SGSM2: variants seen among roughly 807,000 people sequenced by gnomAD.
SGSM2 encodes small G protein signaling modulator 2, also known as RUN and TBC1 domain containing 1.
A neutral mutation model predicts 126.6 loss-of-function variants in SGSM2; 89 were observed. The ratio of observed to expected loss-of-function variants is 0.70; its 90% CI spans 0.59 to 0.84. The LOEUF (loss-of-function observed/expected upper bound fraction) is 0.84, where lower values mean the gene tolerates loss of function less well. Among genes scored for constraint, SGSM2 ranks in the 40% least tolerant of loss-of-function variants. The pLI is 0.00. For synonymous variants in SGSM2, 614 were observed against 574.3 expected (o/e 1.07, Z -0.99); for missense variants, 1,404 against 1,416.6 (o/e 0.99, Z 0.14).
chr17:2,346,815 A>G (rs2064615419), intron 2 of SGSM2, among the ~76,000 whole-genome samples: 1 of 152,142 alleles, frequency 6.6e-6, no homozygotes. Flanking sequence ...GGGGCCAGGC[A>G]TGGTGACTCA....
Position 2,338,125 on chromosome 17 carries a change from C to A in SGSM2, c.57+380C>A, listed in dbSNP as rs186861574. 3.5e-3 allele frequency among the ~76,000 whole-genome samples: 539 copies of A among 152,200 alleles called. 2 individuals carry two copies. Among genetic ancestry groups the A allele is most frequent in the Non-Finnish European group, 6.4e-3 (436 of 67,976 alleles). On this transcript the variant is annotated intron_variant, in intron 1 of 23. Transcript: ENST00000268989. ...CGGGGCCCCGCGCGAGCTCCCGCGG[C>A]GCAGGTGGGTGTCGTGCGGGCCGAG...
chr17:2,361,581 T>G (rs1009015748), intron 2 of SGSM2, 56 bp from the exon 3 acceptor site: 50 of 1,583,806 alleles, frequency 3.2e-5, no homozygotes, highest in Non-Finnish European at 4.3e-5. Flanking sequence ...GAGGAGCTTT[T>G]CTTCCTGCTC....
chr17:2,375,952 TG>T, intron 18 of SGSM2, 77 bp downstream of exon 18: 4 of 1,511,306 alleles, frequency 2.6e-6, no homozygotes, highest in Non-Finnish European at 3.5e-6. Flanking sequence ...GAAGCGCTGG[TG>T]GGGTGGAAGG....
At chr17:2,348,015 G>A (rs547878443) in intron 2 of SGSM2, among the ~76,000 whole-genome samples, 4 of 152,310 alleles carry the variant, frequency 2.6e-5, no homozygotes, top group South Asian at 2.1e-4. Flanking sequence ...CAACATGAGG[G>A]TTGCTTCAGA....
chr17:2,375,714 G>A lies in SGSM2; in HGVS notation c.2323G>A (p.Gly775Ser), dbSNP rs1282939605. The A allele has an allele frequency of 3.1e-6, 5 of 1,611,382 alleles. No individual in the cohort carries two copies. Among genetic ancestry groups the A allele is most frequent in the Middle Eastern group, 3.4e-4 (2 of 5,960 alleles). ...AAGCCTAGATGAGGGGCAGAGCGTG[G>A]GCTTCGAAGAGGAGGACGGCGGTGG... is the stretch of plus-strand genomic sequence containing the variant. ...QSSLDEGQSV[G>S]FEEEDGGGEE... The change falls in exon 18 of 24, where the codon GGC becomes AGC. Residue 775 changes from glycine to serine, a missense_variant. Physicochemically the swap from Gly to Ser is moderately conservative, Grantham distance 56. Coordinates refer to ENST00000268989, the MANE Select transcript of SGSM2 (RefSeq NM_014853.3).
In SGSM2 at chr17:2,380,422, GC is replaced by G; in HGVS notation, c.*905del. 1.0e-6 allele frequency: 1 copy of G among 969,542 alleles called. No individual in the cohort carries two copies. The highest frequency in any genetic ancestry group is 1.6e-6 in the Non-Finnish European group (1 of 636,170). The allele number at this position is 969,542 out of a possible 1,614,324, so 60.1% of individuals were successfully genotyped here. On this transcript the variant is annotated 3_prime_UTR_variant, in exon 24 of 24. Transcript: ENST00000268989. ...AGAGACAGGCCTCAGTTCGAGGGCA[GC>G]CCATTATCTGTCGCAGACATCTGCC...
At chr17:2,353,513 A>T (rs952490171) in intron 2 of SGSM2, among the ~76,000 whole-genome samples, 17 of 152,222 alleles carry the variant, frequency 1.1e-4, no homozygotes, top group African/African-American at 3.9e-4. Context: ...CTGTAATCCC[A>T]GCACCTTGGA....
chr17:2,354,073 G>A (rs964158447), intron 2 of SGSM2, among the ~76,000 whole-genome samples: 2 of 152,032 alleles, frequency 1.3e-5, no homozygotes, highest in Non-Finnish European at 2.9e-5. Flanking sequence ...CACCCAGCTA[G>A]TTTTTAAATT....
chr17:2,352,078 A>G (rs901378982), intron 2 of SGSM2, among the ~76,000 whole-genome samples: 9 of 152,204 alleles, frequency 5.9e-5, no homozygotes, highest in African/African-American at 2.2e-4. Context: ...CGCTCCTCTC[A>G]CCTTGTCTGT....
In SGSM2 at chr17:2,373,455, G is replaced by C. The variant is rs1386693974; in HGVS notation, c.2042G>C (p.Ser681Thr). 1.9e-6 allele frequency: 3 copies of C among 1,609,790 alleles called. No homozygotes were observed. Among genetic ancestry groups the C allele is most frequent in the Non-Finnish European group, 2.5e-6 (3 of 1,179,968 alleles). ...PATRTKFSSG[S>T]SIDSHVQRLI... ...ACACGCACCAAGTTCTCCTCAGGCA[G>C]CAGCATCGACAGCCACGTGCAGCGC... The change falls in exon 17 of 24, where the codon AGC (serine) becomes ACC (threonine). Residue 681 changes from serine to threonine, a missense_variant. Coordinates refer to ENST00000268989, the MANE Select transcript of SGSM2 (RefSeq NM_014853.3).
At position 2,340,607 on chromosome 17, in the gene SGSM2, T is replaced by C. The variant is rs186802189; in HGVS notation, c.57+2862T>C. Among the ~76,000 whole-genome samples, 168 of 150,798 alleles carry C rather than the reference T, an allele frequency of 1.1e-3. 2 individuals are homozygous for C. The highest frequency in any genetic ancestry group is 8.0e-3 in the Admixed American group (122 of 15,168). On this transcript the variant is annotated intron_variant, in intron 1 of 23. Transcript: ENST00000268989. ...TTGATTTCTTTTTTTTTTTTTGAGA[T>C]GGAGTCTCGCTCTGTTGCCCAGGCT... is the stretch of plus-strand genomic sequence containing the variant.
Position 2,343,536 on chromosome 17 carries a change from T to C in SGSM2, c.58-9T>C. The C allele has an allele frequency of 6.2e-7, 1 of 1,613,938 alleles. No homozygotes were observed. Among genetic ancestry groups the C allele is most frequent in the Non-Finnish European group, 8.5e-7 (1 of 1,179,762 alleles). Reference sequence around the variant, plus strand: ...AATAAAAGCAGTGATGCTGTCCATGTGTCCGCAGGTGAAGCAAATCATGGA... The same window carrying C: ...AATAAAAGCAGTGATGCTGTCCATGCGTCCGCAGGTGAAGCAAATCATGGA... On this transcript the variant is annotated splice_polypyrimidine_tract_variant and intron_variant, in intron 1 of 23. Coordinates refer to ENST00000268989, the MANE Select transcript of SGSM2 (RefSeq NM_014853.3).
chr17:2,378,937 C>A, intron 22 of SGSM2, 99 bp from the exon 23 acceptor site: 1 of 1,241,822 alleles, frequency 8.1e-7, no homozygotes, highest in Non-Finnish European at 1.1e-6. Flanking sequence ...TCAGCCTCAG[C>A]CTCAGCCCCA....
At chr17:2,345,120 T>TG (rs1408301103) in intron 2 of SGSM2, among the ~76,000 whole-genome samples, 1 of 151,064 alleles carries the variant, frequency 6.6e-6, no homozygotes, top group African/African-American at 2.4e-5. Context: ...ACCTATGCTC[T>TG]GGAAAAAAAA....
At chr17:2,343,717 C>G in intron 2 of SGSM2, 97 bp downstream of exon 2, 1 of 1,033,596 alleles carries the variant, frequency 9.7e-7, no homozygotes, top group Non-Finnish European at 1.5e-6. Context: ...CAGTAGCTCT[C>G]AAATCTGGCT....
rs1401456834 is a variant in SGSM2 at position 2,380,046 on chromosome 17, C to T, written c.*526C>T. The T allele has an allele frequency of 4.3e-6, 6 of 1,396,094 alleles. No homozygotes were observed. Among genetic ancestry groups the T allele is most frequent in the Non-Finnish European group, 5.5e-6 (6 of 1,084,578 alleles). The allele number at this position is 1,396,094 out of a possible 1,614,324, so 86.5% of individuals were successfully genotyped here. ...AGGCACACGTCACGGGTGCGGGAGA[C>T]CCGGGCACGGGAGACCCGGGCCGCC... On this transcript the variant is annotated 3_prime_UTR_variant, in exon 24 of 24. Transcript: ENST00000268989.
Position 2,373,440 on chromosome 17 carries a change from A to C in SGSM2, c.2027A>C (p.Lys676Thr). ...EREAHPATRT[K>T]FSSGSSIDSH... The stretch of plus-strand genomic sequence containing the variant: ...GAGGCCCACCCAGCCACACGCACCA[A>C]GTTCTCCTCAGGCAGCAGCATCGAC... Residue 676 changes from lysine to threonine, a missense_variant, in exon 17 of 24, where the codon AAG (lysine) becomes ACG (threonine). Transcript: ENST00000268989. The C allele has an allele frequency of 1.9e-6, 3 of 1,610,854 alleles. No homozygotes were observed. The highest frequency in any genetic ancestry group is 2.5e-6 in the Non-Finnish European group (3 of 1,179,960).
Position 2,380,198 on chromosome 17 carries a change from G to A in SGSM2, c.*678G>A. On this transcript the variant is annotated 3_prime_UTR_variant, in exon 24 of 24. Coordinates refer to ENST00000268989, the MANE Select transcript of SGSM2 (RefSeq NM_014853.3). Reference sequence around the variant, plus strand: ...GTGACCCCCAGGCCTCCCCGGCCTTGTACAGTGTACCTCTGTGTATCTGTA... The same window carrying A: ...GTGACCCCCAGGCCTCCCCGGCCTTATACAGTGTACCTCTGTGTATCTGTA... 6.5e-7 allele frequency: 1 copy of A among 1,532,370 alleles called. No individual in the cohort carries two copies. Among genetic ancestry groups the A allele is most frequent in the South Asian group, 1.2e-5 (1 of 83,590 alleles). 94.9% of individuals were successfully genotyped at this position (1,532,370 alleles called of 1,614,324 possible).
At chr17:2,338,446 G>C (rs927340077) in intron 1 of SGSM2, among the ~76,000 whole-genome samples, 1 of 152,082 alleles carries the variant, frequency 6.6e-6, no homozygotes, top group African/African-American at 2.4e-5. Context: ...TTTCGGGTGG[G>C]GGGCAGTGAC....
Sources: gnomAD v4.1 joint callset for allele counts (sites outside exome capture counted in the v4.1 genomes callset) on GRCh38, gnomAD v4.1.1 for gene constraint, MANE v1.5 for transcripts, NCBI Gene and HGNC (gene_info 2026-07-23, HGNC 2026-07-21) for gene names.